Variants in AKAP13 observed in about 807,000 individuals in gnomAD.
AKAP13 encodes A-kinase anchoring protein 13.
A neutral mutation model predicts 264.5 loss-of-function variants in AKAP13; 80 were observed. That is an observed-to-expected ratio of 0.30 (90% CI 0.25 to 0.36). The LOEUF is 0.36. Among genes scored for constraint, AKAP13 ranks in the 10% least tolerant of loss-of-function variants. AKAP13 has a pLI of 1.00. For synonymous variants in AKAP13, 1,380 were observed against 1,250.2 expected (o/e 1.10, Z -2.19); for missense variants, 3,712 against 3,435.2 (o/e 1.08, Z -2.01).
chr15:85,384,839 C>T (rs992701810), intron 1 of AKAP13, among the ~76,000 whole-genome samples: 7 of 151,990 alleles, frequency 4.6e-5, no homozygotes, highest in African/African-American at 1.5e-4. Context: ...TTGATTGTGA[C>T]GTTATGAATA....
chr15:85,613,700 A>ATGTGTGTGTATATATATG (rs1567155741), intron 8 of AKAP13, among the ~76,000 whole-genome samples: 1 of 121,362 alleles, frequency 8.2e-6, no homozygotes. Context: ...AAATATATAT[A>ATGTGTGTGTATATATATG]TATATATATA....
chr15:85,382,807 G>A (rs2070359316), intron 1 of AKAP13, among the ~76,000 whole-genome samples: 1 of 152,156 alleles, frequency 6.6e-6, no homozygotes, highest in African/African-American at 2.4e-5. Flanking sequence ...GTGCAGGCAC[G>A]GTACGTGTTT....
intron 14 of AKAP13, chr15:85,670,859 G>T (rs1375555935): frequency 2.0e-5 from 3 of 152,134 alleles, no homozygotes; most frequent in African/African-American, 7.2e-5. Context: ...GAGATGTCAT[G>T]GCATCCATAA....
At chr15:85,423,483 C>T (rs2072624240) in intron 1 of AKAP13, among the ~76,000 whole-genome samples, 1 of 152,238 alleles carries the variant, frequency 6.6e-6, no homozygotes, top group African/African-American at 2.4e-5. Context: ...GCCATCTGTT[C>T]AAGTTTTATC....
In AKAP13 at chr15:85,616,960, G is replaced by A. The variant is rs537857985; in HGVS notation, c.4162-22414G>A. On this transcript the variant is annotated intron_variant, in intron 8 of 36. Transcript: ENST00000394518. ...AATTGTCCTTTAATATGCAGAAAGA[G>A]CAGGAAATCTAGCTTTCCAGCCTGT... Among the ~76,000 whole-genome samples, 17 of 152,342 alleles carry A rather than the reference G, an allele frequency of 1.1e-4. No individual in the cohort carries two copies. The South Asian group carries it at 3.5e-3, about 32-fold the overall frequency.
chr15:85,615,877 C>G (rs2080912934), intron 8 of AKAP13, among the ~76,000 whole-genome samples: 1 of 152,180 alleles, frequency 6.6e-6, no homozygotes, highest in South Asian at 2.1e-4. Flanking sequence ...AGCGTTGAAT[C>G]TCTAATTTTT....
At chr15:85,476,138 G>T (rs947675481) in intron 1 of AKAP13, among the ~76,000 whole-genome samples, 2 of 152,164 alleles carry the variant, frequency 1.3e-5, no homozygotes, top group African/African-American at 2.4e-5. Flanking sequence ...AAGACTTGAG[G>T]ACTGGACTGA....
chr15:85,728,329 A>G (rs1203203706), intron 29 of AKAP13, among the ~76,000 whole-genome samples: 1 of 152,240 alleles, frequency 6.6e-6, no homozygotes, highest in East Asian at 1.9e-4. Context: ...AGATGATAGC[A>G]TTCTGTCTCA....
chr15:85,691,823 T>C lies in AKAP13; in HGVS notation c.5290-1454T>C. On this transcript the variant is annotated intron_variant, in intron 16 of 36. Coordinates refer to ENST00000394518, the MANE Select transcript of AKAP13 (RefSeq NM_007200.5). ...CAGTTTCTGTTGCCACTCTGACAAG[T>C]GAGGGAAGACCACAGGAAAGAAAGG... 6.2e-6 allele frequency: 3 copies of C among 486,648 alleles called. 1 individual carries two copies. Among genetic ancestry groups the C allele is most frequent in the South Asian group, 4.5e-5 (3 of 66,684 alleles). 30.1% of individuals were successfully genotyped at this position (486,648 alleles called of 1,614,324 possible). A position where few individuals can be genotyped will look rare whatever the true frequency, so the allele number is the denominator to read the frequency against.
intron 8 of AKAP13, among the ~76,000 whole-genome samples, chr15:85,588,210 C>G (rs2079439243): frequency 6.6e-6 from 1 of 152,102 alleles, no homozygotes; most frequent in Non-Finnish European, 1.5e-5. Context: ...AGAGTATGAA[C>G]AGTGATGAAC....
chr15:85,655,318 C>G (rs1006340306), intron 10 of AKAP13, 99 bp from the exon 11 acceptor site: 7 of 1,451,584 alleles, frequency 4.8e-6, no homozygotes, highest in Non-Finnish European at 6.5e-6. Context: ...TCTTACCTGC[C>G]TGGAATCCAC....
intron 1 of AKAP13, among the ~76,000 whole-genome samples, chr15:85,451,121 C>G (rs555102081): frequency 6.6e-6 from 1 of 152,280 alleles, no homozygotes; most frequent in East Asian, 1.9e-4. Flanking sequence ...CCTTCCTTGT[C>G]TTTTTTGATC....
At chr15:85,461,434 A>G (rs755977667) in intron 1 of AKAP13, among the ~76,000 whole-genome samples, 13 of 152,112 alleles carry the variant, frequency 8.5e-5, no homozygotes, top group Non-Finnish European at 1.9e-4. Flanking sequence ...TTTCATCTCT[A>G]TCCTCAGAAC....
Position 85,448,752 on chromosome 15 carries a change from GT to G in AKAP13, c.-11-36954del, listed in dbSNP as rs951728331. On this transcript the variant is annotated intron_variant, in intron 1 of 36. Transcript: ENST00000394518. ...GCCTGTTTTGTACCAGTACCATGCT[GT>G]TTTGGTCACTGTAGCCTTTAGTATA... is the stretch of plus-strand genomic sequence containing the variant. Among the ~76,000 whole-genome samples, 16 of 150,892 alleles carry G rather than the reference GT, an allele frequency of 1.1e-4. No homozygotes were observed. In the Middle Eastern group the frequency reaches 0.017, roughly 164 times the overall value.
At chr15:85,618,948 C>T (rs1022418650) in intron 8 of AKAP13, among the ~76,000 whole-genome samples, 9 of 152,156 alleles carry the variant, frequency 5.9e-5, no homozygotes, top group South Asian at 2.1e-4. Flanking sequence ...ACATTTTTCT[C>T]GTGTTAAATC....
intron 1 of AKAP13, among the ~76,000 whole-genome samples, chr15:85,449,477 G>A (rs2074010168): frequency 6.6e-6 from 1 of 152,152 alleles, no homozygotes; most frequent in African/African-American, 2.4e-5. Context: ...GAATAGAAGT[G>A]GTGAGAGAGG....
chr15:85,574,732 G>A (rs945379302), intron 5 of AKAP13, among the ~76,000 whole-genome samples: 2 of 152,194 alleles, frequency 1.3e-5, no homozygotes, highest in African/African-American at 4.8e-5. Context: ...ATAATTGACT[G>A]TAGTTAGCAT....
chr15:85,478,794 C>A (rs2075262950), intron 1 of AKAP13, among the ~76,000 whole-genome samples: 1 of 151,806 alleles, frequency 6.6e-6, no homozygotes, highest in African/African-American at 2.4e-5. Flanking sequence ...TGGGGCAGAG[C>A]AGGGCTAACT....
intron 1 of AKAP13, among the ~76,000 whole-genome samples, chr15:85,421,429 G>A (rs956641579): frequency 6.6e-6 from 1 of 152,188 alleles, no homozygotes; most frequent in African/African-American, 2.4e-5. Flanking sequence ...TTTTTGAGAA[G>A]GATATTAAAG....
Sources: gnomAD v4.1 joint callset for allele counts (sites outside exome capture counted in the v4.1 genomes callset) on GRCh38, gnomAD v4.1.1 for gene constraint, MANE v1.5 for transcripts, NCBI Gene and HGNC (gene_info 2026-07-23, HGNC 2026-07-21) for gene names.